The following KIAA1671 variants were observed in gnomAD, a reference collection of about 807,000 sequenced individuals.
KIAA1671 encodes the protein uncharacterized protein KIAA1671.
Under a neutral mutation model 131.2 loss-of-function variants are expected in KIAA1671, and 52 were observed. That is an observed-to-expected ratio of 0.40 (90% CI 0.32 to 0.50). The LOEUF (loss-of-function observed/expected upper bound fraction) is 0.50, where lower values mean the gene tolerates loss of function less well. KIAA1671 is among the 20% of genes least tolerant of loss of function. The pLI, the probability that KIAA1671 is intolerant of heterozygous loss-of-function variation, is 0.73. For missense variants in KIAA1671, 2,360 were observed against 2,364.2 expected (o/e 1.00, Z 0.04); for synonymous variants, 1,003 against 961.6 (o/e 1.04, Z -0.80).
chr22:25,033,351 C>T (rs1487930334), intron 4 of KIAA1671, among the ~76,000 whole-genome samples: 2 of 152,078 alleles, frequency 1.3e-5, no homozygotes, highest in Non-Finnish European at 2.9e-5. Flanking sequence ...GATCATGCCA[C>T]TGCACTCTAG....
chr22:25,034,717 CTTTTTTAA>C (rs1316025532), intron 4 of KIAA1671, among the ~76,000 whole-genome samples: 1 of 151,766 alleles, frequency 6.6e-6, no homozygotes, highest in African/African-American at 2.4e-5. Flanking sequence ...TTTTCTTTTT[CTTTTTTAA>C]TTTTTTAATT....
At chr22:25,054,960 C>T (rs56186650) in intron 6 of KIAA1671, 13,634 of 149,202 alleles carry the variant, frequency 0.091, 2,400 homozygotes, top group African/African-American at 0.31. Flanking sequence ...CATCTGGGGT[C>T]CTTTAAACTT....
Position 25,029,211 on chromosome 22 carries a change from AC to A in KIAA1671, c.1215del (p.Arg406GlyfsTer6). The A allele has an allele frequency of 6.9e-7, 1 of 1,459,544 alleles. No individual in the cohort carries two copies. Among genetic ancestry groups the A allele is most frequent in the South Asian group, 1.5e-5 (1 of 68,552 alleles). 90.4% of individuals were successfully genotyped at this position (1,459,544 alleles called of 1,614,324 possible). On this transcript the variant is annotated frameshift_variant, in exon 3 of 13. Coordinates refer to ENST00000358431, the MANE Select transcript of KIAA1671 (RefSeq NM_001145206.2). LOFTEE classifies it high-confidence loss of function. ...CAGAGAAGGCTGCTGAGTCCCCCTC[AC>A]CCAGGCTGGGAAGGGGCCTAGAACT... ...EPEKAAESPS[P>X]RLGRGLELAE...
rs555626431 is a variant in KIAA1671 at position 25,038,495 on chromosome 22, G to T, written c.1630-265G>T. 2.7e-3 allele frequency among the ~76,000 whole-genome samples: 414 copies of T among 152,330 alleles called. 3 individuals are homozygous for T. The highest frequency in any genetic ancestry group is 9.6e-3 in the African/African-American group (397 of 41,570). On this transcript the variant is annotated intron_variant, in intron 4 of 12. Coordinates refer to ENST00000358431, the MANE Select transcript of KIAA1671 (RefSeq NM_001145206.2). ...TGGACAAAGTCCTGGGAGGAACTTG[G>T]CCGGATAAAAGGAAATGAGTATTTT...
intron 6 of KIAA1671, among the ~76,000 whole-genome samples, chr22:25,110,539 G>A (rs182548437): frequency 7.9e-5 from 12 of 152,296 alleles, no homozygotes; most frequent in Non-Finnish European, 1.6e-4. Flanking sequence ...GTCTGTAAAA[G>A]TAGTGGGGTT....
intron 1 of KIAA1671, among the ~76,000 whole-genome samples, chr22:24,965,153 G>A (rs1437531913): frequency 2.0e-5 from 3 of 150,850 alleles, no homozygotes; most frequent in African/African-American, 7.3e-5. Context: ...GCTCACACCT[G>A]TAATGTGTGT....
At chr22:25,038,047 C>G (rs1184904792) in intron 4 of KIAA1671, among the ~76,000 whole-genome samples, 1 of 152,200 alleles carries the variant, frequency 6.6e-6, no homozygotes, top group Non-Finnish European at 1.5e-5. Context: ...GTTGACCAGG[C>G]TGGAGTCTTG....
At chr22:25,070,327 A>T (rs1928751081) in intron 6 of KIAA1671, 2 of 426,846 alleles carry the variant, frequency 4.7e-6, no homozygotes, top group Non-Finnish European at 8.6e-6. Context: ...AAAGCTGGAA[A>T]CCGTACTGTG....
At chr22:25,190,207 C>T (rs959273886) in intron 11 of KIAA1671, among the ~76,000 whole-genome samples, 9 of 151,910 alleles carry the variant, frequency 5.9e-5, no homozygotes, top group African/African-American at 1.7e-4. Context: ...CTGGGGGTGA[C>T]GGGAGACAGT....
chr22:25,108,850 C>G (rs915016388), intron 6 of KIAA1671, among the ~76,000 whole-genome samples: 1 of 152,102 alleles, frequency 6.6e-6, no homozygotes, highest in Non-Finnish European at 1.5e-5. Flanking sequence ...ACGTTGTACT[C>G]AAGATACTGG....
intron 1 of KIAA1671, among the ~76,000 whole-genome samples, chr22:24,985,735 AGTGTGTGTGTGTATGTGT>A (rs922443458): frequency 4.8e-5 from 7 of 146,416 alleles, no homozygotes; most frequent in African/African-American, 1.8e-4. Context: ...AGAGTGTGTG[AGTGTGTGTGTGTATGTGT>A]GTGTGTGTGT....
At chr22:25,076,113 TA>T (rs1204350793) in intron 6 of KIAA1671, among the ~76,000 whole-genome samples, 2 of 152,170 alleles carry the variant, frequency 1.3e-5, no homozygotes, top group Non-Finnish European at 2.9e-5. Flanking sequence ...ACTGGCAGCA[TA>T]AAAAAATCTG....
chr22:25,106,163 A>G, intron 6 of KIAA1671, among the ~76,000 whole-genome samples: 1 of 152,224 alleles, frequency 6.6e-6, no homozygotes, highest in Non-Finnish European at 1.5e-5. Flanking sequence ...AAGGGCAACA[A>G]CTGGGGCAGG....
intron 6 of KIAA1671, among the ~76,000 whole-genome samples, chr22:25,116,383 G>GT (rs1010186883): frequency 9.9e-5 from 4 of 40,226 alleles, no homozygotes; most frequent in Admixed American, 2.2e-4. Flanking sequence ...CCCTCCACCA[G>GT]TATGTATGTA....
At chr22:25,114,854 C>T (rs1424013389) in intron 6 of KIAA1671, among the ~76,000 whole-genome samples, 1 of 152,200 alleles carries the variant, frequency 6.6e-6, no homozygotes, top group Non-Finnish European at 1.5e-5. Context: ...GGGACAACAG[C>T]AGTATCCGTG....
rs879210303 is a variant in KIAA1671, at chr22:25,040,520, A to T, written c.3390A>T (p.Leu1130Phe). ...FNGRIIDVDA[L>F]WSHRGSEDGP... ...GAAGAATCATTGATGTGGATGCCTTATGGAGTCATCGGGGATCAGAAGATG... is the reference window on the plus strand; with the variant it reads ...GAAGAATCATTGATGTGGATGCCTTTTGGAGTCATCGGGGATCAGAAGATG... Residue 1130 changes from leucine to phenylalanine, a missense_variant, in exon 5 of 13, where the codon TTA (leucine) becomes TTT (phenylalanine). Transcript: ENST00000358431. 4 of 1,551,830 alleles carry T rather than the reference A, an allele frequency of 2.6e-6. No homozygotes were observed. In the South Asian group the frequency reaches 4.8e-5, roughly 18 times the overall value.
At position 25,174,333 on chromosome 22, in the gene KIAA1671, C is replaced by T; in HGVS notation, c.4743C>T (p.Pro1581=). 6.4e-7 allele frequency: 1 copy of T among 1,552,042 alleles called. No individual in the cohort carries two copies. The highest frequency in any genetic ancestry group is 2.0e-5 in the Admixed American group (1 of 51,018). Residue 1581 remains proline, a synonymous_variant, in exon 8 of 13, where the codon CCC becomes CCT. Transcript: ENST00000358431. ...CTTCTCTGTCCTCCCAAACGGAGCC[C>T]ACCTCGGCAGGGGACCAGTATGACT... is the stretch of plus-strand genomic sequence containing the variant. The part of the protein sequence containing the change: ...RLSSLSSQTE[P]TSAGDQYDCS...
intron 11 of KIAA1671, among the ~76,000 whole-genome samples, chr22:25,189,322 A>G (rs1417081719): frequency 1.3e-5 from 2 of 151,072 alleles, no homozygotes; most frequent in Non-Finnish European, 3.0e-5. Context: ...ACAGGCACCC[A>G]CCACCACACC....
chr22:25,019,306 A>G (rs1338871175), intron 1 of KIAA1671, among the ~76,000 whole-genome samples: 1 of 152,098 alleles, frequency 6.6e-6, no homozygotes, highest in Non-Finnish European at 1.5e-5. Flanking sequence ...TTGTAATAGG[A>G]CCTGCCTCTT....
Sources: gnomAD v4.1 joint callset for allele counts (sites outside exome capture counted in the v4.1 genomes callset) on GRCh38, gnomAD v4.1.1 for gene constraint, MANE v1.5 for transcripts, NCBI Gene and HGNC (gene_info 2026-07-23, HGNC 2026-07-21) for gene names.